The following TRAPPC12 variants were observed in gnomAD, a reference collection of about 807,000 sequenced individuals.
TRAPPC12 encodes TPR repeat protein 15.
TRAPPC12 carries 61 observed loss-of-function variants against 69.2 expected under a neutral mutation model. The ratio of observed to expected loss-of-function variants is 0.88; its 90% CI spans 0.72 to 1.09. The LOEUF (loss-of-function observed/expected upper bound fraction) is 1.09, where lower values mean the gene tolerates loss of function less well. Among genes scored for constraint, TRAPPC12 ranks in the 50% least tolerant of loss-of-function variants. TRAPPC12 has a pLI of 0.00. For synonymous variants in TRAPPC12, 469 were observed against 438.9 expected, an observed-to-expected ratio of 1.07 and a Z score of -0.86; for missense variants, 1,101 against 1,016.4, an observed-to-expected ratio of 1.08 and a Z score of -1.13.
intron 6 of TRAPPC12, chr2:3,456,970 C>G: frequency 2.5e-6 from 1 of 397,012 alleles, no homozygotes; most frequent in Non-Finnish European, 4.9e-6. Context: ...ATCATAAACA[C>G]CACTTTCACC....
chr2:3,412,433 G>C (rs1027054337), intron 3 of TRAPPC12, among the ~76,000 whole-genome samples: 13 of 152,092 alleles, frequency 8.5e-5, no homozygotes, highest in African/African-American at 3.1e-4. Context: ...GTGGTGGTGG[G>C]CGCCTGTAAT....
chr2:3,453,959 A>G (rs1218654408), intron 6 of TRAPPC12, among the ~76,000 whole-genome samples: 1 of 152,206 alleles, frequency 6.6e-6, no homozygotes, highest in Non-Finnish European at 1.5e-5. Context: ...CCTTTCACTC[A>G]TGGATGCTCT....
At chr2:3,437,503 T>A (rs573707479) in intron 5 of TRAPPC12, among the ~76,000 whole-genome samples, 2 of 20,846 alleles carry the variant, frequency 9.6e-5, no homozygotes. Context: ...CCATCACCCC[T>A]GGATTAATAC....
intron 5 of TRAPPC12, among the ~76,000 whole-genome samples, chr2:3,426,273 G>C (rs1486999850): frequency 1.3e-5 from 2 of 152,212 alleles, no homozygotes; most frequent in Admixed American, 6.5e-5. Context: ...TGTCTTGATG[G>C]AGCTGGCTTG....
intron 9 of TRAPPC12, among the ~76,000 whole-genome samples, chr2:3,470,065 C>T (rs563758012): frequency 4.2e-4 from 64 of 152,238 alleles, no homozygotes; most frequent in African/African-American, 1.5e-3. Flanking sequence ...GTGGGCATCG[C>T]GTCGATGCTG....
At chr2:3,462,932 C>G (rs938901486) in intron 8 of TRAPPC12, 1 of 471,048 alleles carries the variant, frequency 2.1e-6, no homozygotes, top group African/African-American at 2.0e-5. Flanking sequence ...CATCAGCTAC[C>G]TTCCGTCTTG....
intron 2 of TRAPPC12, among the ~76,000 whole-genome samples, chr2:3,399,813 C>T (rs911526674): frequency 2.0e-5 from 3 of 149,158 alleles, no homozygotes; most frequent in African/African-American, 7.5e-5. Context: ...CCCGCTCCCC[C>T]CGCCACCGCC....
intron 9 of TRAPPC12, among the ~76,000 whole-genome samples, chr2:3,470,662 G>T (rs187801977): frequency 5.9e-5 from 9 of 152,346 alleles, no homozygotes; most frequent in Admixed American, 3.9e-4. Flanking sequence ...GTGTGTGAGT[G>T]TGTGTAGCAG....
intron 3 of TRAPPC12, among the ~76,000 whole-genome samples, chr2:3,409,245 T>C (rs13400273): frequency 0.3 from 45,229 of 152,192 alleles, 7,173 homozygotes; most frequent in Middle Eastern, 0.4. Flanking sequence ...GAGACAGTTA[T>C]GGTCTCAGTT....
intron 9 of TRAPPC12, among the ~76,000 whole-genome samples, chr2:3,472,206 G>C (rs994143780): frequency 6.6e-6 from 1 of 152,130 alleles, no homozygotes; most frequent in Non-Finnish European, 1.5e-5. Context: ...GTGGGGAGAC[G>C]CTGAGGTGGA....
At position 3,478,845 on chromosome 2, in the gene TRAPPC12, G is replaced by C. The variant is rs750329058; in HGVS notation, c.1878-1G>C. 2 of 1,613,940 alleles carry C rather than the reference G, an allele frequency of 1.2e-6. No individual in the cohort carries two copies. Among genetic ancestry groups the C allele is most frequent in the Middle Eastern group, 1.6e-4 (1 of 6,062 alleles). ...AACTGCCACCGTTGCTTGTGTTACA[G>C]CGCGTTCCTTCACCTCGGGCAGAAT... On this transcript the variant is annotated splice_acceptor_variant, in intron 10 of 11. Coordinates refer to ENST00000324266, the MANE Select transcript of TRAPPC12 (RefSeq NM_016030.6). LOFTEE classifies it high-confidence loss of function.
chr2:3,406,655 C>T (rs188134238), intron 3 of TRAPPC12, among the ~76,000 whole-genome samples: 9 of 152,298 alleles, frequency 5.9e-5, no homozygotes, highest in African/African-American at 2.2e-4. Flanking sequence ...TGGCCATTTC[C>T]CTGGCCCATG....
chr2:3,447,008 C>T (rs1449530907), intron 6 of TRAPPC12, among the ~76,000 whole-genome samples: 6 of 152,128 alleles, frequency 3.9e-5, no homozygotes, highest in Admixed American at 1.3e-4. Flanking sequence ...GAGGGTGAGT[C>T]ATTTATAAAG....
intron 5 of TRAPPC12, among the ~76,000 whole-genome samples, chr2:3,432,273 G>A (rs891751434): frequency 2.4e-4 from 36 of 152,168 alleles, no homozygotes; most frequent in Admixed American, 2.2e-3. Flanking sequence ...ATTACCATCA[G>A]GTCAAATTAA....
Position 3,443,798 on chromosome 2 carries a change from G to C in TRAPPC12, c.1437G>C (p.Ser479=). 1 of 1,614,056 alleles carries C rather than the reference G, an allele frequency of 6.2e-7. No individual in the cohort carries two copies. Among genetic ancestry groups the C allele is most frequent in the East Asian group, 2.2e-5 (1 of 44,876 alleles). ...TTCCAGGCTCCATGGTCCCCTTCTC[G>C]ATGCGCATCTTGCACGCGGAGCTTC... ...PGRRGSMVPF[S]MRILHAELQQ... The change falls in exon 6 of 12, where the codon TCG becomes TCC. Residue 479 remains serine, a synonymous_variant. Transcript: ENST00000324266.
intron 6 of TRAPPC12, among the ~76,000 whole-genome samples, chr2:3,448,026 C>G (rs1176728716): frequency 6.6e-6 from 1 of 152,272 alleles, no homozygotes; most frequent in Non-Finnish European, 1.5e-5. Context: ...AGGACACGTG[C>G]TGTGTGTCCC....
intron 10 of TRAPPC12, 180 bp from the exon 11 acceptor site, chr2:3,478,666 T>G: frequency 1.7e-6 from 1 of 576,896 alleles, no homozygotes; most frequent in East Asian, 2.9e-5. Context: ...CTAGAGTGGC[T>G]TTAATGTGCG....
intron 3 of TRAPPC12, among the ~76,000 whole-genome samples, chr2:3,420,948 T>C (rs1179229251): frequency 1.3e-5 from 2 of 152,202 alleles, no homozygotes; most frequent in Non-Finnish European, 2.9e-5. Context: ...TTGAGAAACA[T>C]ATTGTTTAAT....
chr2:3,409,745 GTC>G (rs142263592), intron 3 of TRAPPC12, among the ~76,000 whole-genome samples: 1,432 of 41,152 alleles, frequency 0.035, 48 homozygotes, highest in Middle Eastern at 0.079. Context: ...GCAAGACTTT[GTC>G]TTTAAAAAAA....
Sources: gnomAD v4.1 joint callset for allele counts (sites outside exome capture counted in the v4.1 genomes callset) on GRCh38, gnomAD v4.1.1 for gene constraint, MANE v1.5 for transcripts, NCBI Gene and HGNC (gene_info 2026-07-23, HGNC 2026-07-21) for gene names.